Variants in NAALADL2 observed in about 807,000 individuals in gnomAD.
The protein encoded by NAALADL2 is inactive N-acetylated-alpha-linked acidic dipeptidase-like protein 2.
A neutral mutation model predicts 87.2 loss-of-function variants in NAALADL2; 76 were observed. That is an observed-to-expected ratio of 0.87 (90% CI 0.72 to 1.05). The LOEUF is 1.05. Among genes scored for constraint, NAALADL2 ranks in the 50% least tolerant of loss-of-function variants. NAALADL2 has a pLI of 0.00. For synonymous variants in NAALADL2, 354 were observed against 331.0 expected, an observed-to-expected ratio of 1.07 and a Z score of -0.75; for missense variants, 1,089 against 945.8, an observed-to-expected ratio of 1.15 and a Z score of -1.99.
At chr3:174,684,436 C>G (rs1727846150) in intron 2 of NAALADL2, among the ~76,000 whole-genome samples, 1 of 152,048 alleles carries the variant, frequency 6.6e-6, no homozygotes, top group African/African-American at 2.4e-5. Context: ...CTGTTAACCT[C>G]TTTACAAAAT....
At chr3:174,760,491 C>T (rs535013975) in intron 3 of NAALADL2, among the ~76,000 whole-genome samples, 3 of 152,294 alleles carry the variant, frequency 2.0e-5, no homozygotes, top group African/African-American at 7.2e-5. Context: ...ACAGTCCAGA[C>T]AAGTAAGCCC....
intron 11 of NAALADL2, among the ~76,000 whole-genome samples, chr3:175,652,767 T>A (rs1248603824): frequency 6.6e-6 from 1 of 152,122 alleles, no homozygotes; most frequent in African/African-American, 2.4e-5. Context: ...ATTTTCAAAG[T>A]GAAAATAAGA....
chr3:175,195,644 C>T (rs974675472), intron 2 of NAALADL2, among the ~76,000 whole-genome samples: 6 of 151,778 alleles, frequency 4.0e-5, no homozygotes, highest in African/African-American at 9.7e-5. Flanking sequence ...AGAAGCAGAT[C>T]GTATATGCAT....
At chr3:175,063,522 C>G (rs1316405703) in intron 1 of NAALADL2, among the ~76,000 whole-genome samples, 3 of 151,856 alleles carry the variant, frequency 2.0e-5, no homozygotes, top group Admixed American at 6.6e-5. Context: ...TGTCACCCAG[C>G]CTGGAATGCA....
intron 13 of NAALADL2, among the ~76,000 whole-genome samples, chr3:175,789,415 A>T (rs1752511395): frequency 6.6e-6 from 1 of 152,200 alleles, no homozygotes. Flanking sequence ...TGACTTAGTC[A>T]TCTTAATGTA....
chr3:175,379,787 G>C (rs1365874761), intron 5 of NAALADL2, among the ~76,000 whole-genome samples: 2 of 152,118 alleles, frequency 1.3e-5, no homozygotes, highest in Non-Finnish European at 2.9e-5. Flanking sequence ...TATCAAGGCT[G>C]TGATCCAGAT....
chr3:175,674,255 TTTTTG>T (rs1169458623), intron 11 of NAALADL2, among the ~76,000 whole-genome samples: 18 of 149,018 alleles, frequency 1.2e-4, no homozygotes, highest in African/African-American at 4.7e-4. Context: ...GTGTTTTTTT[TTTTTG>T]TTTGTTTTGT....
At chr3:174,733,854 T>G (rs1409335312) in intron 2 of NAALADL2, among the ~76,000 whole-genome samples, 1 of 152,170 alleles carries the variant, frequency 6.6e-6, no homozygotes, top group Non-Finnish European at 1.5e-5. Context: ...AGAGCAATCA[T>G]GATGAATGAG....
Position 175,809,511 on chromosome 3 carries a change from TAAAAAA to T in NAALADL2, c.*6331_*6336del, listed in dbSNP as rs1297830446. On this transcript the variant is annotated 3_prime_UTR_variant, in exon 14 of 14. Coordinates refer to ENST00000454872, the MANE Select transcript of NAALADL2 (RefSeq NM_207015.3). ...CAACAAAGTGAGACCCTGTCTCTCTTAAAAAAAAAAAAAAAAAAAAAAAAAAAAGAA... is the reference window on the plus strand; with the variant it reads ...CAACAAAGTGAGACCCTGTCTCTCTTAAAAAAAAAAAAAAAAAAAAAAGAA... 3.2e-5 allele frequency: 1 copy of T among 31,506 alleles called. No individual in the cohort carries two copies. Among genetic ancestry groups the T allele is most frequent in the African/African-American group, 1.3e-4 (1 of 7,584 alleles). 2.0% of individuals were successfully genotyped at this position (31,506 alleles called of 1,614,324 possible). A position where few individuals can be genotyped will look rare whatever the true frequency, so the allele number is the denominator to read the frequency against.
At chr3:175,483,102 T>C (rs1475247201) in intron 9 of NAALADL2, among the ~76,000 whole-genome samples, 1 of 151,896 alleles carries the variant, frequency 6.6e-6, no homozygotes, top group Non-Finnish European at 1.5e-5. Context: ...GATACTAATT[T>C]AGCAAAACTT....
intron 2 of NAALADL2, among the ~76,000 whole-genome samples, chr3:174,718,999 G>C (rs1310407386): frequency 6.6e-6 from 1 of 152,066 alleles, no homozygotes; most frequent in Non-Finnish European, 1.5e-5. Flanking sequence ...TCTGTACAGG[G>C]AATAATAACC....
intron 2 of NAALADL2, among the ~76,000 whole-genome samples, chr3:175,199,765 T>A (rs1739530512): frequency 7.7e-6 from 1 of 130,534 alleles, no homozygotes; most frequent in Admixed American, 8.3e-5. Flanking sequence ...CTGATTGATT[T>A]GCTGCGTTAA....
intron 3 of NAALADL2, among the ~76,000 whole-genome samples, chr3:174,756,379 T>C (rs981251108): frequency 6.6e-6 from 1 of 152,174 alleles, no homozygotes; most frequent in Non-Finnish European, 1.5e-5. Flanking sequence ...CTCCTATATA[T>C]TCTAGGCCAG....
rs1415011131 is a variant in NAALADL2 at position 174,876,806 on chromosome 3, A to T, written c.43+17356A>T. On this transcript the variant is annotated intron_variant, in intron 1 of 13. Coordinates refer to ENST00000454872, the MANE Select transcript of NAALADL2 (RefSeq NM_207015.3). ...TGGCAGGGATATTTCTTGTGTTCTT[A>T]GTTGGCTTGGGCTGCTAAAACAAAA... Among the ~76,000 whole-genome samples the T allele has an allele frequency of 2.0e-5, 3 of 152,112 alleles. No individual in the cohort carries two copies. The East Asian group carries it at 5.8e-4, about 29-fold the overall frequency.
chr3:174,890,987 A>C (rs963351911), intron 1 of NAALADL2, among the ~76,000 whole-genome samples: 3 of 152,088 alleles, frequency 2.0e-5, no homozygotes, highest in Non-Finnish European at 2.9e-5. Context: ...ATAGGAAACT[A>C]TCTCTTCTAA....
chr3:174,455,482 A>G (rs1022295571), intron 1 of NAALADL2, among the ~76,000 whole-genome samples: 5 of 152,118 alleles, frequency 3.3e-5, no homozygotes, highest in Non-Finnish European at 7.4e-5. Context: ...TCCTCAGCAA[A>G]ATACTGACAG....
At chr3:175,418,822 A>G (rs1344270031) in intron 5 of NAALADL2, among the ~76,000 whole-genome samples, 3 of 152,038 alleles carry the variant, frequency 2.0e-5, no homozygotes, top group Admixed American at 1.3e-4. Flanking sequence ...AGATTCTACA[A>G]TAGTTCTGCT....
intron 2 of NAALADL2, among the ~76,000 whole-genome samples, chr3:174,609,614 G>A (rs901931738): frequency 2.6e-5 from 4 of 152,146 alleles, no homozygotes; most frequent in African/African-American, 9.7e-5. Flanking sequence ...CAAGGGACAT[G>A]AAGGACCTCT....
chr3:175,556,536 A>G (rs1007664200), intron 9 of NAALADL2, among the ~76,000 whole-genome samples: 4 of 152,162 alleles, frequency 2.6e-5, no homozygotes, highest in African/African-American at 7.2e-5. Context: ...TTGATTTCAG[A>G]TGATGGGAGT....
Sources: allele counts gnomAD v4.1 joint callset (sites outside exome capture counted in the v4.1 genomes callset), GRCh38; gene constraint gnomAD v4.1.1; transcripts MANE v1.5; gene names NCBI Gene and HGNC (gene_info 2026-07-23, HGNC 2026-07-21).